PDE4D: variants seen among roughly 807,000 people sequenced by gnomAD.
PDE4D encodes phosphodiesterase 4D.
A neutral mutation model predicts 87.4 loss-of-function variants in PDE4D; 24 were observed. The observed-to-expected ratio is 0.27, with a 90% CI of 0.20 to 0.39. PDE4D has a LOEUF of 0.39. Ranked by LOEUF, PDE4D falls within the 10% of genes least tolerant of loss-of-function variation. The pLI, the probability that PDE4D is intolerant of heterozygous loss-of-function variation, is 1.00. For synonymous variants in PDE4D, 384 were observed against 383.2 expected (o/e 1.00, Z -0.02); for missense variants, 714 against 1,041.0 (o/e 0.69, Z 4.32).
At chr5:59,200,002 G>GCAACATACATA (rs1472256874) in intron 2 of PDE4D, among the ~76,000 whole-genome samples, 1 of 146,826 alleles carries the variant, frequency 6.8e-6, no homozygotes, top group East Asian at 2.0e-4. Context: ...ATACATGCAT[G>GCAACATACATA]CAACATACAT....
chr5:59,283,480 C>T (rs144713679), intron 1 of PDE4D, among the ~76,000 whole-genome samples: 12 of 152,280 alleles, frequency 7.9e-5, no homozygotes, highest in East Asian at 7.7e-4. Context: ...ATATTCCTTA[C>T]AGGATCAATT....
chr5:60,110,047 G>T (rs1411129211), intron 2 of PDE4D, among the ~76,000 whole-genome samples: 1 of 151,930 alleles, frequency 6.6e-6, no homozygotes, highest in Non-Finnish European at 1.5e-5. Context: ...TATTCTTTTG[G>T]TTGGGTGGTT....
At chr5:59,807,797 TG>T (rs1476684006) in intron 1 of PDE4D, among the ~76,000 whole-genome samples, 1 of 152,232 alleles carries the variant, frequency 6.6e-6, no homozygotes, top group Non-Finnish European at 1.5e-5. Flanking sequence ...TTCATTAGGC[TG>T]ATTTACAACT....
intron 2 of PDE4D, among the ~76,000 whole-genome samples, chr5:60,081,799 G>A (rs1003573753): frequency 7.2e-5 from 11 of 152,070 alleles, no homozygotes; most frequent in Non-Finnish European, 1.3e-4. Flanking sequence ...TGGAGTTTCT[G>A]CTAAGAGGTC....
intron 3 of PDE4D, among the ~76,000 whole-genome samples, chr5:59,955,577 C>T (rs1581898497): frequency 6.6e-6 from 1 of 152,212 alleles, no homozygotes; most frequent in African/African-American, 2.4e-5. Flanking sequence ...TACTCCAAGC[C>T]TGAGGATTCC....
At chr5:59,433,058 G>T (rs1328985146) in intron 1 of PDE4D, among the ~76,000 whole-genome samples, 1 of 152,072 alleles carries the variant, frequency 6.6e-6, no homozygotes, top group Non-Finnish European at 1.5e-5. Flanking sequence ...TGTAGATTTT[G>T]CATAAAGAGG....
At chr5:59,563,858 C>T (rs1820458450) in intron 1 of PDE4D, among the ~76,000 whole-genome samples, 1 of 152,158 alleles carries the variant, frequency 6.6e-6, no homozygotes, top group African/African-American at 2.4e-5. Flanking sequence ...CCAAACATGA[C>T]AACATAGAAA....
At chr5:59,101,635 G>C (rs1459741360) in intron 5 of PDE4D, among the ~76,000 whole-genome samples, 2 of 151,996 alleles carry the variant, frequency 1.3e-5, no homozygotes, top group African/African-American at 4.8e-5. Context: ...AAAACTGGAT[G>C]AGGACAATTG....
intron 1 of PDE4D, among the ~76,000 whole-genome samples, chr5:59,538,426 C>T (rs1277335746): frequency 6.6e-6 from 1 of 152,168 alleles, no homozygotes; most frequent in Non-Finnish European, 1.5e-5. Flanking sequence ...TCTTGCTGGA[C>T]CCCAAACTCA....
intron 1 of PDE4D, among the ~76,000 whole-genome samples, chr5:59,376,335 G>A (rs2153600522): frequency 6.6e-6 from 1 of 152,232 alleles, no homozygotes; most frequent in Non-Finnish European, 1.5e-5. Context: ...CTTCAGCAAA[G>A]TTTCAGGATA....
At chr5:60,171,852 T>G (rs576025117) in intron 2 of PDE4D, among the ~76,000 whole-genome samples, 1 of 152,006 alleles carries the variant, frequency 6.6e-6, no homozygotes. Flanking sequence ...AATATTTCCA[T>G]ATACTAACTT....
intron 1 of PDE4D, among the ~76,000 whole-genome samples, chr5:59,439,529 A>G (rs1449845907): frequency 1.3e-5 from 2 of 152,232 alleles, no homozygotes; most frequent in Non-Finnish European, 2.9e-5. Flanking sequence ...ACAAATATTT[A>G]TCAAGTTACT....
intron 1 of PDE4D, among the ~76,000 whole-genome samples, chr5:59,300,656 C>T (rs1255755021): frequency 6.6e-6 from 1 of 152,092 alleles, no homozygotes; most frequent in Non-Finnish European, 1.5e-5. Context: ...CAGATGAAGC[C>T]TTCTACGAAC....
intron 1 of PDE4D, among the ~76,000 whole-genome samples, chr5:59,557,851 T>C (rs1424246736): frequency 6.6e-6 from 1 of 152,118 alleles, no homozygotes; most frequent in Non-Finnish European, 1.5e-5. Flanking sequence ...AGGCAATAAC[T>C]GCATCAGGGA....
At chr5:59,137,525 C>CTTTTTTTTTTTTTTT (rs61134818) in intron 5 of PDE4D, among the ~76,000 whole-genome samples, 1 of 139,600 alleles carries the variant, frequency 7.2e-6, no homozygotes, top group Admixed American at 7.2e-5. Context: ...GGGAAAGTTT[C>CTTTTTTTTTTTTTTT]TTTTTTTTTT....
intron 1 of PDE4D, among the ~76,000 whole-genome samples, chr5:60,458,737 A>G (rs1488518559): frequency 6.9e-6 from 1 of 145,050 alleles, no homozygotes; most frequent in Non-Finnish European, 1.5e-5. Flanking sequence ...CAAGATAATG[A>G]GTGAGCACAC....
At chr5:59,341,336 C>G (rs900772599) in intron 1 of PDE4D, among the ~76,000 whole-genome samples, 1 of 152,144 alleles carries the variant, frequency 6.6e-6, no homozygotes, top group African/African-American at 2.4e-5. Context: ...AGTTTGGTAA[C>G]TTAAATCCAC....
chr5:59,236,981 T>C (rs1756581240), intron 1 of PDE4D, among the ~76,000 whole-genome samples: 1 of 152,174 alleles, frequency 6.6e-6, no homozygotes, highest in South Asian at 2.1e-4. Context: ...TTTAAAATCT[T>C]GTCCTAATTC....
chr5:59,610,154 C>T (rs115355859), intron 1 of PDE4D, among the ~76,000 whole-genome samples: 4,341 of 152,212 alleles, frequency 0.029, 95 homozygotes, highest in Middle Eastern at 0.075. Context: ...AGAGCAGAGA[C>T]CAGTACAAAG....
Sources: allele counts gnomAD v4.1 joint callset (sites outside exome capture counted in the v4.1 genomes callset), GRCh38; gene constraint gnomAD v4.1.1; transcripts MANE v1.5; gene names NCBI Gene and HGNC (gene_info 2026-07-23, HGNC 2026-07-21).